The following ADGRL2 variants were observed in gnomAD, a reference collection of about 807,000 sequenced individuals.
ADGRL2 encodes the protein adhesion G protein-coupled receptor L2.
Under a neutral mutation model 157.4 loss-of-function variants are expected in ADGRL2, and 44 were observed. The ratio of observed to expected loss-of-function variants is 0.28; its 90% CI spans 0.22 to 0.36. The LOEUF is 0.36. Ranked by LOEUF, ADGRL2 falls within the 10% of genes least tolerant of loss-of-function variation. ADGRL2 has a pLI of 1.00. For missense variants in ADGRL2, 1,510 were observed against 1,768.9 expected, an observed-to-expected ratio of 0.85 and a Z score of 2.63; for synonymous variants, 585 against 624.7, an observed-to-expected ratio of 0.94 and a Z score of 0.95.
intron 2 of ADGRL2, among the ~76,000 whole-genome samples, chr1:81,903,342 A>G (rs1038707710): frequency 6.6e-6 from 1 of 152,098 alleles, no homozygotes; most frequent in African/African-American, 2.4e-5. Flanking sequence ...TTTTACTAAT[A>G]TATTCTTTGG....
At chr1:81,325,339 A>T (rs1380329388) in intron 1 of ADGRL2, among the ~76,000 whole-genome samples, 1 of 152,166 alleles carries the variant, frequency 6.6e-6, no homozygotes, top group Non-Finnish European at 1.5e-5. Flanking sequence ...TATTTAAAAG[A>T]TGTCTGCACT....
At chr1:81,671,676 C>A (rs1043250663) in intron 3 of ADGRL2, among the ~76,000 whole-genome samples, 4 of 152,270 alleles carry the variant, frequency 2.6e-5, no homozygotes, top group African/African-American at 9.6e-5. Flanking sequence ...CCACACCCGG[C>A]TAATTTTTGT....
At chr1:81,435,362 T>G (rs937048494) in intron 1 of ADGRL2, among the ~76,000 whole-genome samples, 6 of 152,344 alleles carry the variant, frequency 3.9e-5, no homozygotes, top group Admixed American at 3.9e-4. Context: ...AAAGAACAAC[T>G]TCCCAGAATT....
At chr1:81,973,940 A>T (rs1431811200) in intron 17 of ADGRL2, among the ~76,000 whole-genome samples, 2 of 151,460 alleles carry the variant, frequency 1.3e-5, no homozygotes, top group African/African-American at 2.4e-5. Flanking sequence ...GTGGGGAAAA[A>T]ATATATATAT....
chr1:81,945,932 T>C (rs547958290), intron 6 of ADGRL2, among the ~76,000 whole-genome samples: 1 of 152,004 alleles, frequency 6.6e-6, no homozygotes, highest in African/African-American at 2.4e-5. Context: ...TTCTCTCTGA[T>C]CCAAGATGTG....
At chr1:81,372,165 T>G (rs2076171357) in intron 1 of ADGRL2, among the ~76,000 whole-genome samples, 1 of 152,220 alleles carries the variant, frequency 6.6e-6, no homozygotes, top group African/African-American at 2.4e-5. Context: ...ACCTTACAAA[T>G]TCTACATCAA....
intron 1 of ADGRL2, among the ~76,000 whole-genome samples, chr1:81,357,059 G>T (rs1474782879): frequency 6.6e-6 from 1 of 151,124 alleles, no homozygotes; most frequent in Non-Finnish European, 1.5e-5. Flanking sequence ...TCTGTCCAAG[G>T]AATAGCTAGG....
intron 3 of ADGRL2, among the ~76,000 whole-genome samples, chr1:81,603,879 T>C (rs2081380853): frequency 6.6e-6 from 1 of 152,228 alleles, no homozygotes; most frequent in Admixed American, 6.5e-5. Context: ...GGTATGGTTC[T>C]TGAACTTTGT....
rs1664701571 is a variant in ADGRL2 at position 81,992,268 on chromosome 1, T to G, written c.*1123T>G. 1 of 152,596 alleles carries G rather than the reference T, an allele frequency of 6.6e-6. No individual in the cohort carries two copies. The highest frequency in any genetic ancestry group is 2.4e-5 in the African/African-American group (1 of 41,450). 9.5% of individuals were successfully genotyped at this position (152,596 alleles called of 1,614,324 possible). A position where few individuals can be genotyped will look rare whatever the true frequency, so the allele number is the denominator to read the frequency against. The stretch of plus-strand genomic sequence containing the variant: ...GCCTATATTTAGTAATTAATTTATT[T>G]TATGATAAAGTTCTAATGAAATGTA... On this transcript the variant is annotated 3_prime_UTR_variant, in exon 24 of 24. Transcript: ENST00000686636.
chr1:81,381,922 G>T (rs2076351583), intron 1 of ADGRL2, among the ~76,000 whole-genome samples: 1 of 152,052 alleles, frequency 6.6e-6, no homozygotes, highest in Non-Finnish European at 1.5e-5. Context: ...AAACAATTAA[G>T]CTTGCCTGGC....
intron 2 of ADGRL2, among the ~76,000 whole-genome samples, chr1:81,857,654 A>G (rs2093248319): frequency 6.6e-6 from 1 of 152,196 alleles, no homozygotes. Context: ...CAGCTTCTGA[A>G]TAGAAAGGAT....
chr1:81,309,245 G>T (rs931862596), intron 1 of ADGRL2, among the ~76,000 whole-genome samples: 1 of 152,128 alleles, frequency 6.6e-6, no homozygotes, highest in African/African-American at 2.4e-5. Flanking sequence ...AATCATGGAA[G>T]TTATTGCTGC....
At position 81,942,079 on chromosome 1, in the gene ADGRL2, G is replaced by C. The variant is rs757468069; in HGVS notation, c.409+34G>C. ...CATACAGTCTGAACCCCAGCTCCCT[G>C]TTATGTGCCTTATGGATGTTAACCT... On this transcript the variant is annotated intron_variant, in intron 5 of 23. Transcript: ENST00000686636. The C allele has an allele frequency of 4.0e-6, 3 of 758,436 alleles. No individual in the cohort carries two copies. The South Asian group carries it at 4.2e-5, about 11-fold the overall frequency. 47.0% of individuals were successfully genotyped at this position (758,436 alleles called of 1,614,324 possible). A position where few individuals can be genotyped will look rare whatever the true frequency, so the allele number is the denominator to read the frequency against.
At chr1:81,852,057 G>A (rs867382750) in intron 2 of ADGRL2, among the ~76,000 whole-genome samples, 1 of 151,896 alleles carries the variant, frequency 6.6e-6, no homozygotes, top group Non-Finnish European at 1.5e-5. Context: ...CTCAGTAAAC[G>A]TAAGAATTTT....
At chr1:81,687,673 C>T (rs1296338987) in intron 3 of ADGRL2, among the ~76,000 whole-genome samples, 1 of 152,106 alleles carries the variant, frequency 6.6e-6, no homozygotes, top group Non-Finnish European at 1.5e-5. Context: ...TTGTTACATT[C>T]ATTGTGCTCT....
At chr1:81,350,038 G>C (rs1438531357) in intron 1 of ADGRL2, among the ~76,000 whole-genome samples, 1 of 152,062 alleles carries the variant, frequency 6.6e-6, no homozygotes, top group Non-Finnish European at 1.5e-5. Context: ...TGTCATTTGA[G>C]TGTTCCATGA....
At chr1:81,614,416 G>A (rs751999489) in intron 3 of ADGRL2, among the ~76,000 whole-genome samples, 151 of 152,250 alleles carry the variant, frequency 9.9e-4, no homozygotes, top group Non-Finnish European at 1.5e-3. Flanking sequence ...TAGTAACTGG[G>A]GACTGTGTAT....
upstream of ADGRL2, among the ~76,000 whole-genome samples, chr1:81,795,624 A>T (rs1048472932): frequency 6.6e-6 from 1 of 152,154 alleles, no homozygotes; most frequent in Non-Finnish European, 1.5e-5. Flanking sequence ...CTGACTCTTA[A>T]AAGCCTTTGC....
chr1:81,785,310 G>A (rs2086992341), intron 2 of ADGRL2, among the ~76,000 whole-genome samples: 1 of 152,066 alleles, frequency 6.6e-6, no homozygotes, highest in East Asian at 1.9e-4. Flanking sequence ...AAGGAGAGGA[G>A]TATTTCAATG....
Sources: allele counts gnomAD v4.1 joint callset (sites outside exome capture counted in the v4.1 genomes callset), GRCh38; gene constraint gnomAD v4.1.1; transcripts MANE v1.5; gene names NCBI Gene and HGNC (gene_info 2026-07-23, HGNC 2026-07-21).